Variants in NHSL2 observed in about 807,000 individuals in gnomAD.
NHSL2 encodes NHS-like protein 2.
NHSL2 carries 27 observed loss-of-function variants against 53.4 expected under a neutral mutation model. The ratio of observed to expected loss-of-function variants is 0.51; its 90% CI spans 0.37 to 0.70. NHSL2 has a LOEUF of 0.70. Among genes scored for constraint, NHSL2 ranks in the 30% least tolerant of loss-of-function variants. The pLI is 0.00. For missense variants in NHSL2, 892 were observed against 980.1 expected, an observed-to-expected ratio of 0.91 and a Z score of 1.20; for synonymous variants, 408 against 404.1, an observed-to-expected ratio of 1.01 and a Z score of -0.12.
At chrX:72,126,426 C>T (rs946608237) in intron 1 of NHSL2, among the ~76,000 whole-genome samples, 1 of 111,598 alleles carries the variant, frequency 9.0e-6, no homozygotes, top group African/African-American at 3.3e-5. Context: ...CCTCAGTGTC[C>T]TCATCTTTAA....
At chrX:72,113,902 C>T (rs1357129371) in intron 1 of NHSL2, among the ~76,000 whole-genome samples, 1 of 111,988 alleles carries the variant, frequency 8.9e-6, no homozygotes, top group African/African-American at 3.2e-5. Flanking sequence ...TCTTTCTGAC[C>T]CTCAGTTTCC....
intron 1 of NHSL2, among the ~76,000 whole-genome samples, chrX:72,059,479 G>A (rs911091313): frequency 2.8e-4 from 31 of 112,140 alleles, no homozygotes; most frequent in African/African-American, 1.0e-3. Context: ...GGCTATACCA[G>A]ATCACTTATT....
chrX:72,048,558 C>T (rs1310566853), intron 1 of NHSL2, among the ~76,000 whole-genome samples: 1 of 109,645 alleles, frequency 9.1e-6, no homozygotes, highest in Non-Finnish European at 1.9e-5. Context: ...GATGCTCTAT[C>T]CCCACTGTTT....
In NHSL2 at chrX:71,980,680, G is replaced by A. The variant is rs145801215; in HGVS notation, c.280+69313G>A. Reference sequence around the variant, plus strand: ...CAGAATGAAGCCTACTTGCAATCCAGTGCAGCACTGTGAGTCTGGGCTTTG... The same window carrying A: ...CAGAATGAAGCCTACTTGCAATCCAATGCAGCACTGTGAGTCTGGGCTTTG... On this transcript the variant is annotated intron_variant, in intron 1 of 7. Coordinates refer to ENST00000633930, the MANE Select transcript of NHSL2 (RefSeq NM_001013627.3). Among the ~76,000 whole-genome samples the A allele has an allele frequency of 2.7e-3, 296 of 110,508 alleles. 1 individual carries two copies. The highest frequency in any genetic ancestry group is 9.3e-3 in the African/African-American group (282 of 30,273).
chrX:71,978,933 C>A (rs1275383257), intron 1 of NHSL2, among the ~76,000 whole-genome samples: 1 of 86,075 alleles, frequency 1.2e-5, no homozygotes, highest in Admixed American at 1.4e-4. Context: ...CACAACAGTC[C>A]CCAGTGTGTG....
intron 1 of NHSL2, among the ~76,000 whole-genome samples, chrX:72,049,048 A>AGAT: frequency 9.3e-6 from 1 of 107,848 alleles, no homozygotes; most frequent in Non-Finnish European, 1.9e-5. Flanking sequence ...AGGAAGAAGA[A>AGAT]GAAGAAGAGG....
At chrX:72,106,420 A>G (rs913058125) in intron 1 of NHSL2, among the ~76,000 whole-genome samples, 2 of 112,103 alleles carry the variant, frequency 1.8e-5, no homozygotes, top group African/African-American at 6.5e-5. Flanking sequence ...AACAAATACC[A>G]TCTCATGCCA....
intron 1 of NHSL2, among the ~76,000 whole-genome samples, chrX:72,021,597 A>C (rs2147900620): frequency 8.9e-6 from 1 of 111,828 alleles, no homozygotes; most frequent in African/African-American, 3.3e-5. Context: ...CAGAATTGAG[A>C]TACGAATCCA....
chrX:72,016,691 GAC>G (rs2042137602), intron 1 of NHSL2, among the ~76,000 whole-genome samples: 3 of 110,807 alleles, frequency 2.7e-5, no homozygotes, highest in Non-Finnish European at 5.7e-5. Flanking sequence ...CACACACAGA[GAC>G]ACACACATTT....
intron 1 of NHSL2, among the ~76,000 whole-genome samples, chrX:72,085,814 T>G (rs2041837262): frequency 9.3e-6 from 1 of 107,537 alleles, no homozygotes; most frequent in African/African-American, 3.4e-5. Context: ...GTGCAGCTGC[T>G]CCCTACTCCC....
intron 1 of NHSL2, among the ~76,000 whole-genome samples, chrX:72,104,816 G>T (rs2042025405): frequency 9.0e-6 from 1 of 111,615 alleles, no homozygotes; most frequent in Non-Finnish European, 1.9e-5. Flanking sequence ...CATCCTCTGA[G>T]ATGATCTTGG....
chrX:72,039,597 G>T (rs2042262464), intron 1 of NHSL2, among the ~76,000 whole-genome samples: 1 of 111,801 alleles, frequency 8.9e-6, no homozygotes, highest in African/African-American at 3.3e-5. Context: ...GCCCATTTTG[G>T]TTGGATGGGA....
Position 72,132,093 on chromosome X carries a change from G to A in NHSL2, c.295G>A (p.Gly99Ser), listed in dbSNP as rs763270329. The change falls in exon 2 of 8, where the codon GGT becomes AGT. Residue 99 changes from glycine to serine, a missense_variant. Gly to Ser is a moderately conservative substitution (Grantham distance 56). Coordinates refer to ENST00000633930, the MANE Select transcript of NHSL2 (RefSeq NM_001013627.3). The part of the protein sequence containing the change: ...DEEELAAANS[G>S]RENATATAHS... ...TCCTTCCCTAGCTGCAGCTAACTCG[G>A]GTCGGGAAAATGCGACAGCGACTGC... is the stretch of plus-strand genomic sequence containing the variant. The A allele has an allele frequency of 1.7e-6, 2 of 1,165,610 alleles. No individual in the cohort carries two copies. Among genetic ancestry groups the A allele is most frequent in the Non-Finnish European group, 2.3e-6 (2 of 872,186 alleles).
At chrX:72,059,946 A>G (rs59036635) in intron 1 of NHSL2, among the ~76,000 whole-genome samples, 20,200 of 111,486 alleles carry the variant, frequency 0.18, 3,436 homozygotes, top group African/African-American at 0.54. Context: ...ATCAGCGGTT[A>G]TGAAGCTTTA....
At chrX:71,932,248 C>A (rs755172566) in intron 1 of NHSL2, among the ~76,000 whole-genome samples, 3 of 110,393 alleles carry the variant, frequency 2.7e-5, no homozygotes, top group Non-Finnish European at 5.7e-5. Context: ...GTATTCCAGG[C>A]AGCAAGAACA....
At position 72,130,625 on chromosome X, in the gene NHSL2, C is replaced by G. The variant is rs2042282008; in HGVS notation, c.281-1454C>G. 2.5e-6 allele frequency: 3 copies of G among 1,211,683 alleles called. No homozygotes were observed. In the African/African-American group the frequency reaches 5.2e-5, roughly 21 times the overall value. On this transcript the variant is annotated intron_variant, in intron 1 of 7. Coordinates refer to ENST00000633930, the MANE Select transcript of NHSL2 (RefSeq NM_001013627.3). ...GGAACGCGCACTTTTCTTTCTATCT[C>G]CACACATTCGAGAATCAGCTCATCC...
intron 1 of NHSL2, among the ~76,000 whole-genome samples, chrX:72,084,739 C>T (rs2041821791): frequency 8.9e-6 from 1 of 112,124 alleles, no homozygotes; most frequent in Non-Finnish European, 1.9e-5. Context: ...CTGGTCAGAG[C>T]CTCTGGGGCT....
intron 1 of NHSL2, among the ~76,000 whole-genome samples, chrX:72,088,809 C>T (rs2041872411): frequency 8.9e-6 from 1 of 111,935 alleles, no homozygotes; most frequent in Non-Finnish European, 1.9e-5. Flanking sequence ...CACCTCAAAT[C>T]GCTTTCATTT....
At chrX:72,141,654 T>C (rs1277001326) in intron 6 of NHSL2, among the ~76,000 whole-genome samples, 1 of 112,451 alleles carries the variant, frequency 8.9e-6, no homozygotes, top group Non-Finnish European at 1.9e-5. Flanking sequence ...TGTCTTTTTG[T>C]GACTGGCTTA....
Sources: allele counts gnomAD v4.1 joint callset (sites outside exome capture counted in the v4.1 genomes callset), GRCh38; gene constraint gnomAD v4.1.1; transcripts MANE v1.5; gene names NCBI Gene and HGNC (gene_info 2026-07-23, HGNC 2026-07-21).